The following HECTD4 variants were observed in gnomAD, a reference collection of about 807,000 sequenced individuals.
HECTD4 encodes probable E3 ubiquitin-protein ligase HECTD4.
HECTD4 carries 114 observed loss-of-function variants against 471.5 expected under a neutral mutation model. That is an observed-to-expected ratio of 0.24 (90% CI 0.21 to 0.28). The LOEUF (loss-of-function observed/expected upper bound fraction) is 0.28. Among genes scored for constraint, HECTD4 ranks in the 10% least tolerant of loss-of-function variants. HECTD4 has a pLI of 1.00. For synonymous variants in HECTD4, 2,012 were observed against 2,256.0 expected, an observed-to-expected ratio of 0.89 and a Z score of 3.07; for missense variants, 3,866 against 5,651.5, an observed-to-expected ratio of 0.68 and a Z score of 10.13.
rs200444866 is a variant in HECTD4 at position 112,274,910 on chromosome 12, G to A, written c.1738C>T (p.Arg580Cys). The A allele has an allele frequency of 1.1e-5, 17 of 1,550,394 alleles. No individual in the cohort carries two copies. The highest frequency in any genetic ancestry group is 1.4e-5 in the Non-Finnish European group (16 of 1,146,858). ...YNISDGQFTS[R>C]ADLIDAAGSS... is the part of the protein sequence containing the mutation. ...CCAGCAGCATCTATGAGATCTGCAC[G>A]ACTTGTAAACTGACCATCCGAAATA... Residue 580 changes from arginine to cysteine, a missense_variant, in exon 10 of 76, where the codon CGT (arginine) becomes TGT (cysteine). Around this residue, in one of 16 missense-constraint regions of HECTD4, gnomAD observed 525 missense variants for 672.6 expected, o/e 0.78. Transcript: ENST00000682272.
intron 67 of HECTD4, 171 bp from the exon 68 acceptor site, chr12:112,171,434 C>T (rs2031217123): frequency 9.4e-7 from 1 of 1,067,428 alleles, no homozygotes; most frequent in Non-Finnish European, 1.3e-6. Flanking sequence ...TGTGCCTATG[C>T]CAAGCAGACA....
At chr12:112,302,712 T>G in intron 7 of HECTD4, 1 of 435,008 alleles carries the variant, frequency 2.3e-6, no homozygotes, top group Non-Finnish European at 4.1e-6. Context: ...TAACTTTTTC[T>G]CATTTTTAAT....
chr12:112,359,514 G>A (rs953703261), intron 1 of HECTD4, among the ~76,000 whole-genome samples: 2 of 152,096 alleles, frequency 1.3e-5, no homozygotes, highest in African/African-American at 4.8e-5. Context: ...CTGCCTCCCG[G>A]ATTCAAATGA....
chr12:112,380,696 A>G (rs1031229018), intron 1 of HECTD4, among the ~76,000 whole-genome samples: 25 of 152,172 alleles, frequency 1.6e-4, no homozygotes, highest in African/African-American at 6.0e-4. Flanking sequence ...ATTGTAAAAT[A>G]AGTCAATTAA....
chr12:112,168,828 G>A (rs1451063963), intron 70 of HECTD4, among the ~76,000 whole-genome samples: 1 of 152,208 alleles, frequency 6.6e-6, no homozygotes, highest in African/African-American at 2.4e-5. Context: ...ATAAGGTGTC[G>A]AGCGTGAGTC....
At chr12:112,182,489 G>A (rs947916932) in intron 62 of HECTD4, among the ~76,000 whole-genome samples, 5 of 152,098 alleles carry the variant, frequency 3.3e-5, no homozygotes, top group East Asian at 1.9e-4. Flanking sequence ...AAAAAGGGAC[G>A]GAACTGTTTC....
chr12:112,299,623 A>AAAAC (rs10699631), intron 7 of HECTD4, among the ~76,000 whole-genome samples: 14,808 of 151,478 alleles, frequency 0.098, 886 homozygotes, highest in African/African-American at 0.16. Context: ...TCTGTCTCAA[A>AAAAC]AAACAAACAA....
At chr12:112,268,724 C>T (rs1390319999) in intron 13 of HECTD4, among the ~76,000 whole-genome samples, 2 of 148,786 alleles carry the variant, frequency 1.3e-5, no homozygotes, top group African/African-American at 2.5e-5. Context: ...CCACTGCACT[C>T]GAGCCTGGGC....
intron 10 of HECTD4, among the ~76,000 whole-genome samples, 163 bp from the exon 11 acceptor site, chr12:112,273,958 C>A (rs919640974): frequency 1.3e-5 from 2 of 152,230 alleles, no homozygotes; most frequent in Non-Finnish European, 2.9e-5. Flanking sequence ...TAGGTTGGGA[C>A]TCGGCAAAGG....
At chr12:112,339,937 T>C (rs2036026790) in intron 1 of HECTD4, among the ~76,000 whole-genome samples, 1 of 151,740 alleles carries the variant, frequency 6.6e-6, no homozygotes, top group Non-Finnish European at 1.5e-5. Flanking sequence ...TAATCCCAGC[T>C]ACTTGGGAAG....
Position 112,313,046 on chromosome 12 carries a change from C to T in HECTD4, c.887G>A (p.Ser296Asn), listed in dbSNP as rs1239042483. The T allele has an allele frequency of 3.3e-6, 5 of 1,535,774 alleles. No individual in the cohort carries two copies. Among genetic ancestry groups the T allele is most frequent in the Non-Finnish European group, 4.4e-6 (5 of 1,146,700 alleles). ...GYEDMLPAPD[S>N]NTGSSSENKD... ...ATTTTCAGAACTGGAGCCAGTGTTGCTATCCGGCGCAGGCAACATGTCTTC... is the reference window on the plus strand; with the variant it reads ...ATTTTCAGAACTGGAGCCAGTGTTGTTATCCGGCGCAGGCAACATGTCTTC... The change falls in exon 4 of 76, where the codon AGC (serine) becomes AAC (asparagine). Residue 296 changes from serine to asparagine, a missense_variant. Physicochemically the swap from Ser to Asn is conservative, Grantham distance 46. This residue lies in a region of HECTD4 where 440 missense variants were observed against 636.0 expected (regional missense o/e 0.69). Transcript: ENST00000682272.
chr12:112,310,758 T>C (rs1019530762), intron 4 of HECTD4, among the ~76,000 whole-genome samples: 11 of 152,242 alleles, frequency 7.2e-5, no homozygotes, highest in African/African-American at 2.7e-4. Flanking sequence ...AACATTTTAA[T>C]TTAAAACTTA....
At position 112,323,033 on chromosome 12, in the gene HECTD4, G is replaced by A. The variant is rs543085278; in HGVS notation, c.178-3291C>T. On this transcript the variant is annotated intron_variant, in intron 1 of 75. Transcript: ENST00000682272. ...CTGGCAGGACAAAGAAAGGCTGCAT[G>A]AAAAGATGCAAGGAACTTGCCAAGA... 9 of 202,518 alleles carry A rather than the reference G, an allele frequency of 4.4e-5. No homozygotes were observed. The South Asian group carries it at 8.3e-4, about 19-fold the overall frequency. The allele number at this position is 202,518 out of a possible 1,614,324, so 12.5% of individuals were successfully genotyped here. A position where few individuals can be genotyped will look rare whatever the true frequency, so the allele number is the denominator to read the frequency against.
chr12:112,277,650 C>G (rs2034553715), intron 9 of HECTD4, among the ~76,000 whole-genome samples: 1 of 152,136 alleles, frequency 6.6e-6, no homozygotes, highest in Non-Finnish European at 1.5e-5. Context: ...AGACCAAGCC[C>G]ACTACAGCAA....
At chr12:112,242,669 G>C (rs187155221) in intron 32 of HECTD4, among the ~76,000 whole-genome samples, 11 of 151,878 alleles carry the variant, frequency 7.2e-5, no homozygotes, top group East Asian at 3.9e-4. Context: ...CAGCACTTTG[G>C]GGGGGCCGAG....
At chr12:112,168,224 G>A (rs112766334) in intron 70 of HECTD4, among the ~76,000 whole-genome samples, 276 of 152,274 alleles carry the variant, frequency 1.8e-3, no homozygotes, top group African/African-American at 6.1e-3. Context: ...TGAGGTCACC[G>A]CAGGTCCCCA....
chr12:112,211,824 T>C (rs2032769758), intron 49 of HECTD4, among the ~76,000 whole-genome samples: 1 of 152,164 alleles, frequency 6.6e-6, no homozygotes, highest in African/African-American at 2.4e-5. Context: ...ACTGGGGAAG[T>C]GGCAGCTTTG....
intron 29 of HECTD4, among the ~76,000 whole-genome samples, chr12:112,245,663 C>A (rs2033744334): frequency 6.6e-6 from 1 of 152,240 alleles, no homozygotes; most frequent in Non-Finnish European, 1.5e-5. Flanking sequence ...CTCTCTACTG[C>A]CCACTGGGCA....
At chr12:112,306,421 C>A (rs2035272708) in intron 6 of HECTD4, among the ~76,000 whole-genome samples, 187 bp from the exon 7 acceptor site, 2 of 152,222 alleles carry the variant, frequency 1.3e-5, no homozygotes, top group East Asian at 1.9e-4. Flanking sequence ...AAAGTTCATA[C>A]AATGGGCAAT....
Sources: gnomAD v4.1 joint callset for allele counts (sites outside exome capture counted in the v4.1 genomes callset) on GRCh38, gnomAD v4.1.1 for gene constraint, gnomAD v4.1.1 regional missense constraint, MANE v1.5 for transcripts, NCBI Gene and HGNC (gene_info 2026-07-23, HGNC 2026-07-21) for gene names.